GPD2: variants seen among roughly 807,000 people sequenced by gnomAD.
GPD2 encodes glycerol-3-phosphate dehydrogenase, mitochondrial.
A neutral mutation model predicts 82.4 loss-of-function variants in GPD2; 54 were observed. That is an observed-to-expected ratio of 0.66 (90% confidence interval 0.53 to 0.82). The LOEUF is 0.82. Among genes scored for constraint, GPD2 ranks in the 40% least tolerant of loss-of-function variants. The pLI, the probability that GPD2 is intolerant of heterozygous loss-of-function variation, is 0.00. For missense variants in GPD2, 748 were observed against 896.2 expected, an observed-to-expected ratio of 0.83 and a Z score of 2.11; for synonymous variants, 288 against 306.1, an observed-to-expected ratio of 0.94 and a Z score of 0.62.
intron 2 of GPD2, among the ~76,000 whole-genome samples, chr2:156,480,128 G>A (rs1414795852): frequency 6.6e-6 from 1 of 152,238 alleles, no homozygotes; most frequent in Non-Finnish European, 1.5e-5. Flanking sequence ...AAAGGAAGTA[G>A]CACTTCATAG....
intron 1 of GPD2, among the ~76,000 whole-genome samples, chr2:156,471,374 T>C (rs1026475818): frequency 6.6e-6 from 1 of 152,232 alleles, no homozygotes; most frequent in Non-Finnish European, 1.5e-5. Flanking sequence ...TTACAGAACG[T>C]TAGACAAAAC....
At chr2:156,524,572 A>G (rs561611404) in intron 6 of GPD2, among the ~76,000 whole-genome samples, 6 of 152,246 alleles carry the variant, frequency 3.9e-5, no homozygotes, top group African/African-American at 1.4e-4. Flanking sequence ...CAGACTTCTT[A>G]TGTGGTGGCT....
In GPD2 at chr2:156,517,647, T is replaced by A. The variant is rs150582669; in HGVS notation, c.661+4151T>A. On this transcript the variant is annotated intron_variant, in intron 6 of 16. Transcript: ENST00000438166. ...GAGAGTATGGTGACCAGGCCAACTTTCTCAAGTCAGAAGAAAGTGTTTAGG... is the reference window on the plus strand; with the variant it reads ...GAGAGTATGGTGACCAGGCCAACTTACTCAAGTCAGAAGAAAGTGTTTAGG... Among the ~76,000 whole-genome samples the A allele has an allele frequency of 2.0e-5, 3 of 152,298 alleles. No individual in the cohort carries two copies. In the East Asian group the frequency reaches 5.8e-4, roughly 29 times the overall value.
chr2:156,490,303 A>G (rs1684126948), intron 2 of GPD2, among the ~76,000 whole-genome samples: 1 of 152,052 alleles, frequency 6.6e-6, no homozygotes. Flanking sequence ...TCATAATTAT[A>G]AGTAGGGCCT....
the GPD2 span, among the ~76,000 whole-genome samples, chr2:156,401,760 A>G: frequency 1.3e-5 from 2 of 152,208 alleles, no homozygotes; most frequent in Non-Finnish European, 2.9e-5. Flanking sequence ...CCCTTCCTTC[A>G]TTTAAGACCC....
chr2:156,461,737 C>T (rs1682995952), intron 1 of GPD2, among the ~76,000 whole-genome samples: 3 of 152,222 alleles, frequency 2.0e-5, no homozygotes, highest in African/African-American at 7.2e-5. Context: ...GTAATTCTCA[C>T]TTTCAAAATA....
chr2:156,552,883 G>T (rs1012522391), intron 8 of GPD2, among the ~76,000 whole-genome samples: 3 of 149,324 alleles, frequency 2.0e-5, no homozygotes, highest in East Asian at 2.0e-4. Flanking sequence ...TCAGCTTCTG[G>T]TTCCTTATAT....
chr2:156,435,383 C>T (rs1279968068), upstream of GPD2: 3 of 151,828 alleles, frequency 2.0e-5, no homozygotes, highest in African/African-American at 7.3e-5. Context: ...TCCCCTTGGG[C>T]TTGTCTAGCC....
the GPD2 span, among the ~76,000 whole-genome samples, chr2:156,405,706 TTCTGGGTGGTGCACAC>T: frequency 2.6e-5 from 4 of 152,176 alleles, no homozygotes; most frequent in Admixed American, 2.6e-4. Flanking sequence ...CAACAGTGCC[TTCTGGGTGGTGCACAC>T]TAACACTTCC....
chr2:156,407,585 G>A, the GPD2 span, among the ~76,000 whole-genome samples: 4 of 152,154 alleles, frequency 2.6e-5, no homozygotes, highest in African/African-American at 9.7e-5. Flanking sequence ...ATCAAAGCAT[G>A]GAAATAAAGA....
chr2:156,443,611 T>A (rs1682255886), intron 1 of GPD2, among the ~76,000 whole-genome samples: 1 of 152,224 alleles, frequency 6.6e-6, no homozygotes, highest in Admixed American at 6.5e-5. Context: ...CAAAATTTTT[T>A]TCCCTCCCAA....
intron 6 of GPD2, among the ~76,000 whole-genome samples, chr2:156,536,744 C>CT (rs1686098478): frequency 6.6e-6 from 1 of 152,174 alleles, no homozygotes; most frequent in Non-Finnish European, 1.5e-5. Flanking sequence ...TGGCAGCAGT[C>CT]CAAACCACCT....
chr2:156,468,860 T>A (rs181337472), intron 1 of GPD2, among the ~76,000 whole-genome samples: 204 of 152,288 alleles, frequency 1.3e-3, no homozygotes, highest in Admixed American at 2.2e-3. Context: ...TAGTTATTTT[T>A]AAATGTACAG....
chr2:156,522,578 A>G (rs749212531), intron 6 of GPD2, among the ~76,000 whole-genome samples: 4 of 152,072 alleles, frequency 2.6e-5, no homozygotes, highest in Admixed American at 2.0e-4. Context: ...TGGAACCTCT[A>G]CTATTTGCCA....
At chr2:156,434,394 G>C (rs965310080), upstream of GPD2, among the ~76,000 whole-genome samples, 1 of 152,134 alleles carries the variant, frequency 6.6e-6, no homozygotes, top group Non-Finnish European at 1.5e-5. Flanking sequence ...GACCCACTGC[G>C]CCTGCCCGGC....
upstream of GPD2, chr2:156,435,325 T>G (rs1042211162): frequency 4.6e-5 from 7 of 152,312 alleles, no homozygotes; most frequent in Admixed American, 3.9e-4. Flanking sequence ...GGAGCAAAGC[T>G]GTTAAAGAAG....
chr2:156,424,804 C>T, the GPD2 span, among the ~76,000 whole-genome samples: 2 of 152,132 alleles, frequency 1.3e-5, no homozygotes, highest in African/African-American at 4.8e-5. Flanking sequence ...TTAATTCCCC[C>T]ATGACAACAA....
intron 6 of GPD2, among the ~76,000 whole-genome samples, chr2:156,530,241 G>T (rs925941541): frequency 3.0e-5 from 3 of 99,402 alleles, no homozygotes; most frequent in African/African-American, 1.1e-4. Flanking sequence ...CTCTCTGTTT[G>T]TCTGTTGTTG....
At position 156,510,821 on chromosome 2, in the gene GPD2, A is replaced by G. The variant is rs1255712426; in HGVS notation, c.300A>G (p.Arg100=). ...GACTAAAAACAGCCCTTGTAGAAAG[A>G]GATGATTTCTCATCAGGGACCAGCA... ...TRGLKTALVE[R]DDFSSGTSSR... is the part of the protein sequence containing the mutation. Residue 100 remains arginine, a synonymous_variant, in exon 4 of 17, where the codon AGA becomes AGG. Transcript: ENST00000438166. 1.9e-6 allele frequency: 3 copies of G among 1,612,982 alleles called. No individual in the cohort carries two copies. Among genetic ancestry groups the G allele is most frequent in the Non-Finnish European group, 2.5e-6 (3 of 1,179,064 alleles).
Sources: gnomAD v4.1 joint callset for allele counts (sites outside exome capture counted in the v4.1 genomes callset) on GRCh38, gnomAD v4.1.1 for gene constraint, MANE v1.5 for transcripts, NCBI Gene and HGNC (gene_info 2026-07-23, HGNC 2026-07-21) for gene names.